Variants in TDP1 observed in about 807,000 individuals in gnomAD.
TDP1 encodes the protein tyr-DNA phosphodiesterase 1.
In TDP1, 64 loss-of-function variants were observed where a neutral mutation model predicts 81.5. The ratio of observed to expected loss-of-function variants is 0.79; its 90% CI spans 0.64 to 0.97. The LOEUF (loss-of-function observed/expected upper bound fraction) is 0.97. Among genes scored for constraint, TDP1 ranks in the 50% least tolerant of loss-of-function variants. The pLI is 0.00. For missense variants in TDP1, 723 were observed against 743.8 expected, an observed-to-expected ratio of 0.97 and a Z score of 0.33; for synonymous variants, 256 against 264.3, an observed-to-expected ratio of 0.97 and a Z score of 0.30.
intron 4 of TDP1, among the ~76,000 whole-genome samples, chr14:89,966,614 C>T (rs568655305): frequency 6.6e-6 from 1 of 152,336 alleles, no homozygotes; most frequent in East Asian, 1.9e-4. Flanking sequence ...TGGCTCCTTC[C>T]TGACTGAGCT....
At chr14:89,964,950 C>G (rs1418852911) in intron 3 of TDP1, 2 of 385,146 alleles carry the variant, frequency 5.2e-6, no homozygotes, top group East Asian at 8.6e-5. Context: ...TAATGACATT[C>G]TGGCATCAGA....
intron 14 of TDP1, among the ~76,000 whole-genome samples, chr14:90,012,034 C>G (rs1218311339): frequency 6.6e-6 from 1 of 152,216 alleles, no homozygotes; most frequent in Non-Finnish European, 1.5e-5. Flanking sequence ...GGGCCAGGCC[C>G]AGGCCCTTGC....
At chr14:90,039,246 T>C (rs1888124565) in intron 16 of TDP1, among the ~76,000 whole-genome samples, 1 of 152,224 alleles carries the variant, frequency 6.6e-6, no homozygotes, top group South Asian at 2.1e-4. Context: ...TTACAAATAA[T>C]TGCATTTCTA....
chr14:89,996,917 G>A (rs537242885), intron 14 of TDP1, among the ~76,000 whole-genome samples: 63 of 152,342 alleles, frequency 4.1e-4, no homozygotes, highest in Middle Eastern at 6.8e-3. Context: ...CGGCAGAGTT[G>A]AGGCAGTTCT....
At chr14:90,035,408 T>C (rs763362734) in intron 16 of TDP1, among the ~76,000 whole-genome samples, 1 of 151,962 alleles carries the variant, frequency 6.6e-6, no homozygotes, top group Non-Finnish European at 1.5e-5. Context: ...GTAGCAAGGC[T>C]ATCTAGATTT....
chr14:90,033,085 A>C (rs367943076), intron 15 of TDP1, 21 bp from the exon 16 acceptor site: 52 of 1,525,896 alleles, frequency 3.4e-5, no homozygotes, highest in Non-Finnish European at 4.2e-5. Flanking sequence ...GCAATCATAG[A>C]TTTCCTCTGT....
intron 14 of TDP1, among the ~76,000 whole-genome samples, chr14:90,011,121 G>A (rs537991027): frequency 6.6e-6 from 1 of 152,268 alleles, no homozygotes; most frequent in South Asian, 2.1e-4. Flanking sequence ...ACTCCTGCCT[G>A]CCACCATGTA....
chr14:89,998,578 C>T (rs1459604455), intron 14 of TDP1, among the ~76,000 whole-genome samples: 2 of 150,992 alleles, frequency 1.3e-5, no homozygotes, highest in East Asian at 3.9e-4. Context: ...ATCCAGAGTC[C>T]CCACCCTCAA....
intron 14 of TDP1, 61 bp from the exon 15 acceptor site, chr14:90,019,255 A>C: frequency 7.5e-7 from 1 of 1,330,366 alleles, no homozygotes; most frequent in Admixed American, 1.7e-5. Flanking sequence ...CAGCTGTGGA[A>C]GTTTGACCCA....
chr14:90,021,802 A>G (rs1205375611), intron 15 of TDP1, among the ~76,000 whole-genome samples: 1 of 152,238 alleles, frequency 6.6e-6, no homozygotes, highest in East Asian at 1.9e-4. Flanking sequence ...CAACTGATTC[A>G]AGAGCTAGGC....
intron 14 of TDP1, among the ~76,000 whole-genome samples, chr14:90,009,465 C>T (rs1884441398): frequency 6.6e-6 from 1 of 152,124 alleles, no homozygotes; most frequent in Admixed American, 6.6e-5. Flanking sequence ...TCTCATGCTA[C>T]AGAGAGATTA....
intron 6 of TDP1, among the ~76,000 whole-genome samples, chr14:89,973,902 C>T (rs903094217): frequency 5.9e-5 from 9 of 152,078 alleles, no homozygotes; most frequent in East Asian, 1.9e-4. Context: ...CACGTTCTCA[C>T]GGTGTCCTCA....
intron 14 of TDP1, among the ~76,000 whole-genome samples, chr14:90,002,706 C>CA (rs1393610222): frequency 0.011 from 1,142 of 105,044 alleles, 9 homozygotes; most frequent in South Asian, 0.052. Flanking sequence ...CCCATCTCTA[C>CA]AAAAAAAAAA....
chr14:89,971,258 T>G lies in TDP1; in HGVS notation c.743T>G (p.Ile248Ser). The G allele has an allele frequency of 3.1e-6, 5 of 1,613,560 alleles. No homozygotes were observed. Among genetic ancestry groups the G allele is most frequent in the Non-Finnish European group, 4.2e-6 (5 of 1,179,596 alleles). Residue 248 changes from isoleucine (I) to serine (S), a missense_variant, in exon 6 of 17, where the codon ATC becomes AGC. Transcript: ENST00000335725. Reference protein sequence around the residue: ...LHAQAKPYENISLCQAKLDIA... With the variant: ...LHAQAKPYENSSLCQAKLDIA... ...GCCCAGGCCAAGCCTTACGAGAACA[T>G]CTCTCTCTGCCAGGTAAGCCACTTA...
chr14:89,955,653 G>A (rs1891478294), upstream of TDP1: 1 of 152,366 alleles, frequency 6.6e-6, no homozygotes, highest in Non-Finnish European at 1.5e-5. Flanking sequence ...CTGGGAGCCT[G>A]AGCCATGAGA....
At chr14:89,975,064 C>T (rs571843889) in intron 6 of TDP1, among the ~76,000 whole-genome samples, 54 of 152,284 alleles carry the variant, frequency 3.5e-4, no homozygotes, top group Non-Finnish European at 6.5e-4. Flanking sequence ...TATGTTGCCA[C>T]CACTTTCAGT....
At chr14:89,978,896 A>G (rs1467119537) in intron 7 of TDP1, among the ~76,000 whole-genome samples, 1 of 152,338 alleles carries the variant, frequency 6.6e-6, no homozygotes, top group Non-Finnish European at 1.5e-5. Flanking sequence ...ACTGTTTGCC[A>G]GCTTGGGTTA....
At chr14:89,994,556 A>G (rs189411339) in intron 14 of TDP1, among the ~76,000 whole-genome samples, 3 of 152,352 alleles carry the variant, frequency 2.0e-5, no homozygotes, top group Admixed American at 1.3e-4. Context: ...CCCTGTGAGT[A>G]ATCTTTTTCT....
chr14:89,971,366 C>T, intron 6 of TDP1, 95 bp downstream of exon 6: 1 of 888,186 alleles, frequency 1.1e-6, no homozygotes, highest in Non-Finnish European at 1.8e-6. Context: ...CAGAAATCCT[C>T]TCTCCAGCAT....
Sources: gnomAD v4.1 joint callset for allele counts (sites outside exome capture counted in the v4.1 genomes callset) on GRCh38, gnomAD v4.1.1 for gene constraint, MANE v1.5 for transcripts, NCBI Gene and HGNC (gene_info 2026-07-23, HGNC 2026-07-21) for gene names.